Variants in CNOT4 observed in about 807,000 individuals in gnomAD.
CNOT4 encodes CCR4-associated factor 4.
In CNOT4, 8 loss-of-function variants were observed where a neutral mutation model predicts 73.8. The ratio of observed to expected loss-of-function variants is 0.11; its 90% confidence interval spans 0.06 to 0.20. CNOT4 has a LOEUF of 0.20. Among genes scored for constraint, CNOT4 ranks in the 10% least tolerant of loss-of-function variants. The pLI, the probability that CNOT4 is intolerant of heterozygous loss-of-function variation, is 1.00. For synonymous variants in CNOT4, 293 were observed against 321.1 expected, an observed-to-expected ratio of 0.91 and a Z score of 0.94; for missense variants, 564 against 883.4, an observed-to-expected ratio of 0.64 and a Z score of 4.58.
intron 1 of CNOT4, among the ~76,000 whole-genome samples, chr7:135,495,504 CAAAAAAAAAAAA>C (rs150007748): frequency 7.3e-5 from 4 of 54,712 alleles, no homozygotes; most frequent in South Asian, 6.6e-4. Flanking sequence ...GACTCTGCCT[CAAAAAAAAAAAA>C]AAAAAAAAAA....
At chr7:135,466,022 C>T (rs528401696) in intron 1 of CNOT4, among the ~76,000 whole-genome samples, 3 of 151,596 alleles carry the variant, frequency 2.0e-5, no homozygotes, top group Non-Finnish European at 2.9e-5. Flanking sequence ...GCACTCCAGC[C>T]TGGGCAACAA....
chr7:135,459,678 CATAATT>C (rs1800755402), intron 1 of CNOT4, among the ~76,000 whole-genome samples: 1 of 152,148 alleles, frequency 6.6e-6, no homozygotes. Context: ...GTAGATTTAG[CATAATT>C]CCTAAGGGCC....
rs1465910356 is a variant in CNOT4 at position 135,424,073 on chromosome 7, ACACACACACACACACAC to A, written c.175-1737_175-1721del. On this transcript the variant is annotated intron_variant, in intron 2 of 11. Transcript: ENST00000541284. ...CACACACACACACACACACACACACACACACACACACACACACATTTTTTATTAAAACATAAATTATT... is the reference window on the plus strand; with the variant it reads ...CACACACACACACACACACACACACAATTTTTTATTAAAACATAAATTATT... Among the ~76,000 whole-genome samples, 38 of 150,020 alleles carry A rather than the reference ACACACACACACACACAC, an allele frequency of 2.5e-4. 1 individual carries two copies.
chr7:135,485,434 G>T (rs1378433125), intron 1 of CNOT4, among the ~76,000 whole-genome samples: 1 of 151,984 alleles, frequency 6.6e-6, no homozygotes, highest in Admixed American at 6.6e-5. Context: ...AAAAGTCCTA[G>T]GAGACCTAAA....
At position 135,453,919 on chromosome 7, in the gene CNOT4, C is replaced by T. The variant is rs1800358762; in HGVS notation, c.-92-15496G>A. Among the ~76,000 whole-genome samples, 8 of 142,256 alleles carry T rather than the reference C, an allele frequency of 5.6e-5. No homozygotes were observed. In the Admixed American group the frequency reaches 5.8e-4, roughly 10 times the overall value. The allele number at this position is 142,256 out of a possible 152,430, so 93.3% of individuals were successfully genotyped here. On this transcript the variant is annotated intron_variant, in intron 1 of 11. Transcript: ENST00000541284. ...TTGGGAGGCCAAGGCAGGTGGATCGCTTGAGCTCAGGAGTTCAAGACCAGC... is the reference window on the plus strand; with the variant it reads ...TTGGGAGGCCAAGGCAGGTGGATCGTTTGAGCTCAGGAGTTCAAGACCAGC...
chr7:135,369,833 T>C (rs553562998), intron 10 of CNOT4, among the ~76,000 whole-genome samples: 13 of 152,220 alleles, frequency 8.5e-5, no homozygotes, highest in Non-Finnish European at 1.9e-4. Flanking sequence ...AAGTCTAAAC[T>C]TCCTCAAACC....
intron 7 of CNOT4, among the ~76,000 whole-genome samples, chr7:135,403,544 G>C: frequency 6.6e-6 from 1 of 152,014 alleles, no homozygotes; most frequent in East Asian, 1.9e-4. Context: ...ACTTGAGCTC[G>C]GGAATTAGAG....
intron 1 of CNOT4, among the ~76,000 whole-genome samples, chr7:135,475,773 TG>T (rs1320262637): frequency 6.6e-6 from 1 of 152,028 alleles, no homozygotes; most frequent in African/African-American, 2.4e-5. Context: ...CAGCCACGCA[TG>T]GTGGTGCACA....
At chr7:135,490,259 T>C (rs1192667404) in intron 1 of CNOT4, among the ~76,000 whole-genome samples, 1 of 152,222 alleles carries the variant, frequency 6.6e-6, no homozygotes, top group Non-Finnish European at 1.5e-5. Context: ...AGCATAAGAA[T>C]GGATTTCAGG....
intron 1 of CNOT4, among the ~76,000 whole-genome samples, chr7:135,473,738 G>T (rs1273769342): frequency 6.6e-6 from 1 of 152,112 alleles, no homozygotes; most frequent in Admixed American, 6.6e-5. Context: ...TTGAGCAAGA[G>T]AGTCTTAAGA....
intron 2 of CNOT4, among the ~76,000 whole-genome samples, chr7:135,433,082 T>G (rs73158937): frequency 0.033 from 4,959 of 152,278 alleles, 114 homozygotes; most frequent in Middle Eastern, 0.082. Context: ...GGATGATTAC[T>G]TCCCCTCTGT....
intron 10 of CNOT4, among the ~76,000 whole-genome samples, chr7:135,368,614 G>A (rs567929623): frequency 6.6e-6 from 1 of 152,256 alleles, no homozygotes; most frequent in African/African-American, 2.4e-5. Flanking sequence ...CGTGTTGGTG[G>A]GTGAAGAACA....
chr7:135,404,291 C>T (rs1797161781), intron 7 of CNOT4, among the ~76,000 whole-genome samples: 1 of 151,696 alleles, frequency 6.6e-6, no homozygotes. Context: ...ACTCACTTAA[C>T]TTACTAGTCC....
intron 1 of CNOT4, among the ~76,000 whole-genome samples, chr7:135,499,690 TCAC>T (rs1803835538): frequency 6.6e-6 from 1 of 152,096 alleles, no homozygotes. Flanking sequence ...TTGGCAGCTA[TCAC>T]TGAAGATATT....
chr7:135,457,169 T>G (rs1241873264), intron 1 of CNOT4, among the ~76,000 whole-genome samples: 3 of 151,950 alleles, frequency 2.0e-5, no homozygotes, highest in Non-Finnish European at 4.4e-5. Context: ...CACATTTACA[T>G]TAAACCACAA....
chr7:135,404,863 C>A (rs1797194294), intron 7 of CNOT4, among the ~76,000 whole-genome samples: 1 of 152,202 alleles, frequency 6.6e-6, no homozygotes, highest in African/African-American at 2.4e-5. Context: ...CTAAAAATAA[C>A]ATCAATTCCT....
chr7:135,437,660 G>C (rs1035712264), intron 2 of CNOT4, among the ~76,000 whole-genome samples: 1 of 152,144 alleles, frequency 6.6e-6, no homozygotes, highest in Non-Finnish European at 1.5e-5. Flanking sequence ...TAAAATTGCT[G>C]TAAGGGCTCA....
chr7:135,414,279 T>C lies in CNOT4; in HGVS notation c.561+52A>G, dbSNP rs1446001665. 5.5e-6 allele frequency: 4 copies of C among 731,858 alleles called. No individual in the cohort carries two copies. The African/African-American group carries it at 7.2e-5, about 13-fold the overall frequency. 45.3% of individuals were successfully genotyped at this position (731,858 alleles called of 1,614,324 possible). A position where few individuals can be genotyped will look rare whatever the true frequency, so the allele number is the denominator to read the frequency against. Reference sequence around the variant, plus strand: ...CTCAGTTCTCCTCTACTTACTATATTTTATCTCGTCTTCCTTAAAAAAAAA... The same window carrying C: ...CTCAGTTCTCCTCTACTTACTATATCTTATCTCGTCTTCCTTAAAAAAAAA... On this transcript the variant is annotated intron_variant, in intron 5 of 11. Coordinates refer to ENST00000541284, the MANE Select transcript of CNOT4 (RefSeq NM_001190850.2).
intron 1 of CNOT4, among the ~76,000 whole-genome samples, chr7:135,463,533 A>T (rs1801011782): frequency 7.2e-6 from 1 of 138,748 alleles, no homozygotes; most frequent in Admixed American, 7.7e-5. Flanking sequence ...GTGAGACTTC[A>T]TCCCCCCACC....
Sources: gnomAD v4.1 joint callset for allele counts (sites outside exome capture counted in the v4.1 genomes callset) on GRCh38, gnomAD v4.1.1 for gene constraint, MANE v1.5 for transcripts, NCBI Gene and HGNC (gene_info 2026-07-23, HGNC 2026-07-21) for gene names.